Variants in NLGN1 observed in about 807,000 individuals in gnomAD.
NLGN1 encodes neuroligin 1.
NLGN1 carries 12 observed loss-of-function variants against 65.5 expected under a neutral mutation model. The observed-to-expected ratio is 0.18, with a 90% CI of 0.12 to 0.30. NLGN1 has a LOEUF of 0.30. Ranked by LOEUF, NLGN1 falls within the 10% of genes least tolerant of loss-of-function variation. NLGN1 has a pLI of 1.00. For missense variants in NLGN1, 750 were observed against 1,007.1 expected, an observed-to-expected ratio of 0.74 and a Z score of 3.46; for synonymous variants, 350 against 359.5, an observed-to-expected ratio of 0.97 and a Z score of 0.30.
At chr3:173,769,228 G>A (rs1560331511) in intron 3 of NLGN1, among the ~76,000 whole-genome samples, 1 of 152,094 alleles carries the variant, frequency 6.6e-6, no homozygotes, top group Non-Finnish European at 1.5e-5. Flanking sequence ...TATTTACCAT[G>A]AAACTCCTCT....
chr3:173,730,956 G>T (rs1161636151), intron 3 of NLGN1, among the ~76,000 whole-genome samples: 2 of 152,118 alleles, frequency 1.3e-5, no homozygotes, highest in East Asian at 3.9e-4. Context: ...ATCAATCTGG[G>T]CAAGGCTTCA....
intron 1 of NLGN1, among the ~76,000 whole-genome samples, chr3:173,410,934 T>C (rs1712413235): frequency 6.6e-6 from 1 of 152,232 alleles, no homozygotes; most frequent in Admixed American, 6.5e-5. Context: ...AAGGCAACAC[T>C]TAAAATATTC....
chr3:173,698,573 A>G (rs1362313234), intron 3 of NLGN1, among the ~76,000 whole-genome samples: 2 of 152,234 alleles, frequency 1.3e-5, no homozygotes, highest in African/African-American at 2.4e-5. Flanking sequence ...AGTTCTCAGT[A>G]TATACCTTGC....
At chr3:174,103,768 G>C (rs899985994) in intron 4 of NLGN1, among the ~76,000 whole-genome samples, 8 of 151,928 alleles carry the variant, frequency 5.3e-5, no homozygotes, top group African/African-American at 1.7e-4. Flanking sequence ...AGTTTTTACT[G>C]TATGACCTAG....
chr3:173,535,813 C>T (rs765135672), intron 2 of NLGN1, among the ~76,000 whole-genome samples: 4 of 152,134 alleles, frequency 2.6e-5, no homozygotes, highest in Non-Finnish European at 5.9e-5. Context: ...ATCAAATGGT[C>T]ATAGTATTTT....
At position 173,682,458 on chromosome 3, in the gene NLGN1, A is replaced by G. The variant is rs553861745; in HGVS notation, c.493+77367A>G. ...CAAAAAATTAGCCGGGTATGGTGGC[A>G]CATGCCTGTAGTCCCAACTACTCAG... On this transcript the variant is annotated intron_variant, in intron 3 of 6. Transcript: ENST00000457714. Among the ~76,000 whole-genome samples the G allele has an allele frequency of 6.6e-3, 1,001 of 151,882 alleles. 4 individuals are homozygous for G. The highest frequency in any genetic ancestry group is 0.011 in the Non-Finnish European group (762 of 67,940).
At chr3:173,631,565 A>G (rs184319435) in intron 3 of NLGN1, among the ~76,000 whole-genome samples, 16 of 152,290 alleles carry the variant, frequency 1.1e-4, no homozygotes, top group Non-Finnish European at 1.9e-4. Flanking sequence ...TTCGTACTTC[A>G]TGAAGCAGGT....
rs1286405686 is a variant in NLGN1, at chr3:173,439,222, A to C, written c.-321+4144A>C. 2.0e-5 allele frequency among the ~76,000 whole-genome samples: 3 copies of C among 152,286 alleles called. No individual in the cohort carries two copies. In the East Asian group the frequency reaches 5.8e-4, roughly 29 times the overall value. On this transcript the variant is annotated intron_variant, in intron 2 of 6. Transcript: ENST00000457714. ...TTTAGTTTCCTCTTAACACCTGTTC[A>C]AGAAGCACTGGTTTAAAGCCTGGAG...
At chr3:174,184,360 C>CAT (rs10623232) in intron 4 of NLGN1, among the ~76,000 whole-genome samples, 113,314 of 151,696 alleles carry the variant, frequency 0.75, 42,393 homozygotes, top group Admixed American at 0.77. Context: ...AAAAAGTACT[C>CAT]ATTATAAATA....
At chr3:173,583,174 CT>C (rs1400050365) in intron 2 of NLGN1, among the ~76,000 whole-genome samples, 3 of 152,018 alleles carry the variant, frequency 2.0e-5, no homozygotes, top group Admixed American at 2.0e-4. Flanking sequence ...CTTCCTGAAC[CT>C]TTTTCTTCAG....
At chr3:174,092,771 G>A (rs1337850709) in intron 4 of NLGN1, among the ~76,000 whole-genome samples, 2 of 152,104 alleles carry the variant, frequency 1.3e-5, no homozygotes, top group African/African-American at 4.8e-5. Flanking sequence ...CATTCCAGGT[G>A]TCCCTAAAGA....
chr3:173,788,939 T>A (rs566602664), intron 3 of NLGN1, among the ~76,000 whole-genome samples: 1 of 150,866 alleles, frequency 6.6e-6, no homozygotes, highest in Non-Finnish European at 1.5e-5. Flanking sequence ...GGCTCACGCC[T>A]GTAATCCCAG....
chr3:173,736,188 A>G (rs7611815), intron 3 of NLGN1, among the ~76,000 whole-genome samples: 14,673 of 152,076 alleles, frequency 0.096, 689 homozygotes, highest in Middle Eastern at 0.13. Context: ...TTGGCTACTT[A>G]ATACAGTATA....
chr3:173,955,317 A>G (rs1168658512), intron 4 of NLGN1, among the ~76,000 whole-genome samples: 1 of 152,288 alleles, frequency 6.6e-6, no homozygotes, highest in Admixed American at 6.5e-5. Flanking sequence ...GTTCTCTCTC[A>G]GGGAGAAAAA....
At chr3:173,852,659 CAT>C (rs1727203610) in intron 4 of NLGN1, among the ~76,000 whole-genome samples, 1 of 152,094 alleles carries the variant, frequency 6.6e-6, no homozygotes, top group Non-Finnish European at 1.5e-5. Flanking sequence ...TATTTTATAA[CAT>C]ATTGTTCACC....
At chr3:174,186,639 T>G (rs1018907628) in intron 4 of NLGN1, among the ~76,000 whole-genome samples, 1 of 152,006 alleles carries the variant, frequency 6.6e-6, no homozygotes, top group Non-Finnish European at 1.5e-5. Context: ...ATGCCAAGTT[T>G]GGCCACCATC....
chr3:173,405,666 T>C (rs1195202073), intron 1 of NLGN1, among the ~76,000 whole-genome samples: 1 of 151,956 alleles, frequency 6.6e-6, no homozygotes, highest in Non-Finnish European at 1.5e-5. Context: ...GCCCTCCAAT[T>C]ATGTAATATA....
At position 173,669,818 on chromosome 3, in the gene NLGN1, C is replaced by A. The variant is rs149989699; in HGVS notation, c.493+64727C>A. 2.9e-3 allele frequency among the ~76,000 whole-genome samples: 442 copies of A among 152,244 alleles called. 5 individuals carry two copies. Among genetic ancestry groups the A allele is most frequent in the African/African-American group, 0.01 (424 of 41,540 alleles). Reference sequence around the variant, plus strand: ...CTGACCATTGGTGCCAATCAAAAACCAACCCCACCATTCAAATACTGGGCA... The same window carrying A: ...CTGACCATTGGTGCCAATCAAAAACAAACCCCACCATTCAAATACTGGGCA... On this transcript the variant is annotated intron_variant, in intron 3 of 6. Transcript: ENST00000457714.
intron 3 of NLGN1, among the ~76,000 whole-genome samples, chr3:173,652,092 C>T (rs557704850): frequency 6.6e-6 from 1 of 152,240 alleles, no homozygotes; most frequent in East Asian, 1.9e-4. Flanking sequence ...CCATGCCCGG[C>T]CCCTTTGCCC....
Sources: gnomAD v4.1 joint callset for allele counts (sites outside exome capture counted in the v4.1 genomes callset) on GRCh38, gnomAD v4.1.1 for gene constraint, MANE v1.5 for transcripts, NCBI Gene and HGNC (gene_info 2026-07-23, HGNC 2026-07-21) for gene names.